The following VAC14 variants were observed in gnomAD, a reference collection of about 807,000 sequenced individuals.
The protein encoded by VAC14 is protein VAC14 homolog.
VAC14 carries 47 observed loss-of-function variants against 85.3 expected under a neutral mutation model. That is an observed-to-expected ratio of 0.55 (90% confidence interval 0.44 to 0.70). The LOEUF (loss-of-function observed/expected upper bound fraction) is 0.70, where lower values mean the gene tolerates loss of function less well. Ranked by LOEUF, VAC14 falls within the 30% of genes least tolerant of loss-of-function variation. The probability of loss-of-function intolerance (pLI) is 0.00; values close to 1 mark genes in which losing one functional copy is unlikely to be tolerated. For missense variants in VAC14, 861 were observed against 1,004.3 expected, an observed-to-expected ratio of 0.86 and a Z score of 1.93; for synonymous variants, 447 against 430.5, an observed-to-expected ratio of 1.04 and a Z score of -0.47.
At chr16:70,795,811 G>T (rs2034521689) in intron 1 of VAC14, among the ~76,000 whole-genome samples, 1 of 152,220 alleles carries the variant, frequency 6.6e-6, no homozygotes, top group Non-Finnish European at 1.5e-5. Context: ...CGTTCAGGGA[G>T]GTAGAACCAC....
intron 13 of VAC14, among the ~76,000 whole-genome samples, chr16:70,743,537 C>T (rs1481424633): frequency 6.6e-6 from 1 of 152,176 alleles, no homozygotes; most frequent in African/African-American, 2.4e-5. Context: ...TCAGCAAGAC[C>T]ACGAACCCAC....
chr16:70,725,119 T>C (rs2054389387), intron 14 of VAC14, among the ~76,000 whole-genome samples: 1 of 152,230 alleles, frequency 6.6e-6, no homozygotes, highest in Admixed American at 6.5e-5. Context: ...TCACTCTAAT[T>C]CGCCATCCAT....
chr16:70,780,492 T>C (rs750608864), intron 9 of VAC14, among the ~76,000 whole-genome samples: 1 of 152,110 alleles, frequency 6.6e-6, no homozygotes, highest in Non-Finnish European at 1.5e-5. Flanking sequence ...GGCTTCATGG[T>C]CTTTGAGGCA....
rs780112823 is a variant in VAC14, at chr16:70,687,901, G to A, written c.*27C>T. ...CCCTTAGTGTTTCATGGGACCACTC[G>A]GTGGGCCCTCCTCCGTGCCAGGCCT... On this transcript the variant is annotated 3_prime_UTR_variant, in exon 19 of 19. Transcript: ENST00000261776. 4.0e-6 allele frequency: 6 copies of A among 1,485,558 alleles called. No homozygotes were observed. The highest frequency in any genetic ancestry group is 2.5e-5 in the East Asian group (1 of 39,336). 92.0% of individuals were successfully genotyped at this position (1,485,558 alleles called of 1,614,324 possible).
At chr16:70,780,667 T>C (rs1363862963) in intron 9 of VAC14, 123 bp downstream of exon 9, 4 of 1,263,944 alleles carry the variant, frequency 3.2e-6, no homozygotes, top group South Asian at 1.5e-5. Flanking sequence ...GCTGCTACAA[T>C]TGTGTGAGTG....
intron 12 of VAC14, among the ~76,000 whole-genome samples, chr16:70,760,964 T>TGG (rs2032290235): frequency 1.9e-5 from 1 of 51,570 alleles, no homozygotes; most frequent in East Asian, 4.7e-4. Flanking sequence ...GAAGAGAGGG[T>TGG]GTGTGTGTGT....
chr16:70,760,962 G>GGGGGGTGTGTGTGTGT (rs1402592187), intron 12 of VAC14, among the ~76,000 whole-genome samples: 1 of 47,602 alleles, frequency 2.1e-5, no homozygotes, highest in South Asian at 1.2e-3. Context: ...ACGAAGAGAG[G>GGGGGGTGTGTGTGTGT]GTGTGTGTGT....
chr16:70,737,895 G>T lies in VAC14; in HGVS notation c.1529-6268C>A, dbSNP rs574992992. Among the ~76,000 whole-genome samples the T allele has an allele frequency of 2.8e-3, 431 of 152,352 alleles. 1 individual carries two copies. Among genetic ancestry groups the T allele is most frequent in the African/African-American group, 9.9e-3 (412 of 41,580 alleles). On this transcript the variant is annotated intron_variant, in intron 13 of 18. Coordinates refer to ENST00000261776, the MANE Select transcript of VAC14 (RefSeq NM_018052.5). ...AGCCACCCAGTTCAGGCCCAGCAGGGTCCCTGCTCCACTCCGGCCTCCCTC... is the reference window on the plus strand; with the variant it reads ...AGCCACCCAGTTCAGGCCCAGCAGGTTCCCTGCTCCACTCCGGCCTCCCTC...
Position 70,698,585 on chromosome 16 carries a change from G to T in VAC14, c.1836+52C>A. On this transcript the variant is annotated intron_variant, in intron 15 of 18. Coordinates refer to ENST00000261776, the MANE Select transcript of VAC14 (RefSeq NM_018052.5). The stretch of plus-strand genomic sequence containing the variant: ...CGAGGGGCGGGCTCACACAGGGTGT[G>T]CCCCCTGGCATGCAGGAGACGCCTG... The T allele has an allele frequency of 3.7e-6, 6 of 1,605,316 alleles. 1 individual carries two copies. In the South Asian group the frequency reaches 6.6e-5, roughly 18 times the overall value.
rs185526555 is a variant in VAC14, at chr16:70,701,674, A to G, written c.1662-2863T>C. 6.5e-4 allele frequency among the ~76,000 whole-genome samples: 99 copies of G among 152,218 alleles called. 1 individual carries two copies. Among genetic ancestry groups the G allele is most frequent in the Middle Eastern group, 3.4e-3 (1 of 292 alleles). On this transcript the variant is annotated intron_variant, in intron 14 of 18. Transcript: ENST00000261776. ...AACTGGACAATCCTAAAACAGGCCC[A>G]TCAGAACATGCCCCTCCCTGCTGGG... is the stretch of plus-strand genomic sequence containing the variant.
At chr16:70,773,782 G>T (rs2033371817) in intron 9 of VAC14, among the ~76,000 whole-genome samples, 1 of 150,744 alleles carries the variant, frequency 6.6e-6, no homozygotes, top group Non-Finnish European at 1.5e-5. Context: ...ATTTTTTTTT[G>T]AGATAGAGTC....
chr16:70,725,248 C>T (rs1370332465), intron 14 of VAC14, among the ~76,000 whole-genome samples: 3 of 152,244 alleles, frequency 2.0e-5, no homozygotes, highest in South Asian at 2.1e-4. Flanking sequence ...ACTCGAGATT[C>T]GGCAGCTGCA....
rs554519705 is a variant in VAC14 at position 70,742,388 on chromosome 16, C to G, written c.1528+2035G>C. Among the ~76,000 whole-genome samples, 70 of 152,336 alleles carry G rather than the reference C, an allele frequency of 4.6e-4. 1 individual carries two copies. In the East Asian group the frequency reaches 5.2e-3, roughly 11 times the overall value. On this transcript the variant is annotated intron_variant, in intron 13 of 18. Coordinates refer to ENST00000261776, the MANE Select transcript of VAC14 (RefSeq NM_018052.5). ...CCTTTTCTCTCTTCCTTTCCTACCCCCTTTGCTGGGCCCCCACACTCCACC... is the reference window on the plus strand; with the variant it reads ...CCTTTTCTCTCTTCCTTTCCTACCCGCTTTGCTGGGCCCCCACACTCCACC...
rs558355564 is a variant in VAC14, at chr16:70,691,763, T to A, written c.2186+1058A>T. 2.4e-5 allele frequency: 24 copies of A among 985,318 alleles called. No individual in the cohort carries two copies. In the African/African-American group the frequency reaches 4.2e-4, roughly 17 times the overall value. 61.0% of individuals were successfully genotyped at this position (985,318 alleles called of 1,614,324 possible). A position where few individuals can be genotyped will look rare whatever the true frequency, so the allele number is the denominator to read the frequency against. ...GGCCTGGGGCAGAGAGCCTATCAGG[T>A]GCCCCACACTCAGCCATCCGAGGGC... On this transcript the variant is annotated intron_variant, in intron 18 of 18. Transcript: ENST00000261776.
intron 10 of VAC14, chr16:70,770,101 C>G (rs949289947): frequency 6.6e-6 from 1 of 152,388 alleles, no homozygotes; most frequent in Non-Finnish European, 1.5e-5. Flanking sequence ...CTGGAACGAG[C>G]TCTTGACCAC....
At chr16:70,760,128 C>T (rs12930674) in intron 12 of VAC14, among the ~76,000 whole-genome samples, 33,151 of 152,082 alleles carry the variant, frequency 0.22, 4,799 homozygotes, top group Non-Finnish European at 0.31. Flanking sequence ...TGAGAGCCTT[C>T]GCAGCGAGCA....
chr16:70,797,715 G>C (rs1175509616), intron 1 of VAC14, among the ~76,000 whole-genome samples: 1 of 152,136 alleles, frequency 6.6e-6, no homozygotes, highest in African/African-American at 2.4e-5. Flanking sequence ...CATGGGGGTG[G>C]ATTTCTCCCA....
intron 1 of VAC14, among the ~76,000 whole-genome samples, chr16:70,796,230 T>G (rs1379194333): frequency 6.6e-6 from 1 of 152,282 alleles, no homozygotes; most frequent in East Asian, 1.9e-4. Context: ...AACACCACAC[T>G]GGTGGTCTTA....
At chr16:70,798,886 T>C (rs546274890) in intron 1 of VAC14, among the ~76,000 whole-genome samples, 3 of 152,330 alleles carry the variant, frequency 2.0e-5, no homozygotes, top group African/African-American at 7.2e-5. Flanking sequence ...GCTGCCAGGC[T>C]AAGTGCTAAG....
Sources: gnomAD v4.1 joint callset for allele counts (sites outside exome capture counted in the v4.1 genomes callset) on GRCh38, gnomAD v4.1.1 for gene constraint, MANE v1.5 for transcripts, NCBI Gene and HGNC (gene_info 2026-07-23, HGNC 2026-07-21) for gene names.